STT3B: variants seen among roughly 807,000 people sequenced by gnomAD.
STT3B encodes the protein STT3 oligosaccharyltransferase complex catalytic subunit B, also known as dolichyl-diphosphooligosaccharide--protein glycosyltransferase subunit STT3B.
In STT3B, 29 loss-of-function variants were observed where a neutral mutation model predicts 96.8. The ratio of observed to expected loss-of-function variants is 0.30; its 90% CI spans 0.22 to 0.41. STT3B has a LOEUF of 0.41. Among genes scored for constraint, STT3B ranks in the 10% least tolerant of loss-of-function variants. The probability of loss-of-function intolerance (pLI) is 1.00; values close to 1 mark genes in which losing one functional copy is unlikely to be tolerated. For synonymous variants in STT3B, 367 were observed against 360.0 expected, an observed-to-expected ratio of 1.02 and a Z score of -0.22; for missense variants, 640 against 1,022.3, an observed-to-expected ratio of 0.63 and a Z score of 5.10.
intron 2 of STT3B, among the ~76,000 whole-genome samples, chr3:31,577,971 GTAA>G (rs1163282811): frequency 6.6e-6 from 1 of 152,094 alleles, no homozygotes; most frequent in Non-Finnish European, 1.5e-5. Context: ...GATCATCCCT[GTAA>G]TAATCTTTCT....
chr3:31,606,328 A>G (rs1477485579), intron 5 of STT3B, among the ~76,000 whole-genome samples: 1 of 152,230 alleles, frequency 6.6e-6, no homozygotes, highest in Non-Finnish European at 1.5e-5. Flanking sequence ...TCTCCAGGGC[A>G]TGTCAGAGAC....
At chr3:31,547,544 G>A (rs1697446368) in intron 1 of STT3B, among the ~76,000 whole-genome samples, 1 of 152,106 alleles carries the variant, frequency 6.6e-6, no homozygotes, top group Admixed American at 6.5e-5. Context: ...TACTCGAGAG[G>A]CTGAGTCACA....
At chr3:31,571,739 A>G (rs1698141860) in intron 1 of STT3B, among the ~76,000 whole-genome samples, 1 of 152,010 alleles carries the variant, frequency 6.6e-6, no homozygotes, top group South Asian at 2.1e-4. Flanking sequence ...ATTTGGAGCC[A>G]TGTATTAGGC....
At chr3:31,624,107 A>G (rs973949267) in intron 11 of STT3B, among the ~76,000 whole-genome samples, 1 of 152,006 alleles carries the variant, frequency 6.6e-6, no homozygotes, top group Non-Finnish European at 1.5e-5. Context: ...CCCCTCAACT[A>G]TTTATCCTTT....
chr3:31,567,620 C>T (rs1698036244), intron 1 of STT3B, among the ~76,000 whole-genome samples: 1 of 152,130 alleles, frequency 6.6e-6, no homozygotes, highest in Non-Finnish European at 1.5e-5. Context: ...GTTAATTAAA[C>T]ATACGAAACC....
intron 1 of STT3B, among the ~76,000 whole-genome samples, chr3:31,565,410 G>A (rs902662866): frequency 2.6e-5 from 4 of 152,206 alleles, no homozygotes; most frequent in African/African-American, 9.7e-5. Flanking sequence ...ATAAGCATTT[G>A]TTGGTTGAAA....
At chr3:31,567,802 A>G (rs1016169071) in intron 1 of STT3B, among the ~76,000 whole-genome samples, 7 of 152,164 alleles carry the variant, frequency 4.6e-5, no homozygotes, top group Non-Finnish European at 1.0e-4. Context: ...AAATCCAGGT[A>G]ATTGGCATAG....
rs1699606464 is a variant in STT3B, at chr3:31,629,470, A to G, written c.2187+59A>G. The stretch of plus-strand genomic sequence containing the variant: ...CAAAATAATGTTTAAAACAAGTCTT[A>G]TTTGCCTCTAGAAAACAGGATAATG... On this transcript the variant is annotated intron_variant, in intron 14 of 15. Transcript: ENST00000295770. 4.5e-6 allele frequency: 4 copies of G among 891,126 alleles called. No homozygotes were observed. The South Asian group carries it at 6.3e-5, about 14-fold the overall frequency. 55.2% of individuals were successfully genotyped at this position (891,126 alleles called of 1,614,324 possible).
chr3:31,601,453 G>A (rs548121203), intron 5 of STT3B, among the ~76,000 whole-genome samples: 1 of 152,144 alleles, frequency 6.6e-6, no homozygotes, highest in Admixed American at 6.5e-5. Context: ...GACATAAAAG[G>A]CCACATAGTA....
chr3:31,539,044 T>A (rs1269693023), intron 1 of STT3B, among the ~76,000 whole-genome samples: 1 of 152,124 alleles, frequency 6.6e-6, no homozygotes, highest in Non-Finnish European at 1.5e-5. Context: ...TGTATGTTAA[T>A]CTGCATTTGT....
intron 1 of STT3B, among the ~76,000 whole-genome samples, chr3:31,564,817 G>A (rs1050003708): frequency 2.0e-4 from 31 of 152,078 alleles, no homozygotes; most frequent in African/African-American, 6.5e-4. Context: ...TGAAAGAAGA[G>A]AAACAATCAT....
chr3:31,629,267 T>G, intron 13 of STT3B, 31 bp from the exon 14 acceptor site: 1 of 1,215,552 alleles, frequency 8.2e-7, no homozygotes, highest in South Asian at 1.3e-5. Context: ...TAACTTGAAC[T>G]AACATAGAAC....
intron 7 of STT3B, among the ~76,000 whole-genome samples, chr3:31,617,609 T>C (rs1239286526): frequency 1.3e-5 from 2 of 152,002 alleles, no homozygotes; most frequent in African/African-American, 2.4e-5. Context: ...GCCCCCCGTT[T>C]ATTTTATTTT....
chr3:31,567,027 T>A (rs1287914137), intron 1 of STT3B, among the ~76,000 whole-genome samples: 6 of 152,198 alleles, frequency 3.9e-5, no homozygotes, highest in Admixed American at 2.6e-4. Flanking sequence ...CATGCAAGAC[T>A]TCCTGGGATT....
intron 1 of STT3B, among the ~76,000 whole-genome samples, chr3:31,568,248 T>C (rs1168101006): frequency 6.6e-6 from 1 of 152,212 alleles, no homozygotes. Flanking sequence ...ACATTTTCTT[T>C]ATTCATTCAT....
intron 1 of STT3B, among the ~76,000 whole-genome samples, chr3:31,573,710 A>G (rs955431661): frequency 2.0e-5 from 3 of 152,166 alleles, no homozygotes; most frequent in Admixed American, 1.3e-4. Flanking sequence ...AACATTCCAC[A>G]TGGGTAGTCA....
At chr3:31,564,379 G>A (rs934700449) in intron 1 of STT3B, among the ~76,000 whole-genome samples, 11 of 152,156 alleles carry the variant, frequency 7.2e-5, no homozygotes. Context: ...CTTCATATTT[G>A]CCCAGAGGCA....
chr3:31,578,437 T>C (rs907071358), intron 2 of STT3B, among the ~76,000 whole-genome samples: 5 of 152,134 alleles, frequency 3.3e-5, no homozygotes, highest in African/African-American at 1.2e-4. Flanking sequence ...TTTGTTGATT[T>C]ATTTTTGGTT....
At chr3:31,550,107 A>C (rs1413051129) in intron 1 of STT3B, among the ~76,000 whole-genome samples, 2 of 151,902 alleles carry the variant, frequency 1.3e-5, no homozygotes, top group Admixed American at 6.6e-5. Context: ...ATCAGAATAG[A>C]CCCTCCTTTT....
Sources: allele counts gnomAD v4.1 joint callset (sites outside exome capture counted in the v4.1 genomes callset), GRCh38; gene constraint gnomAD v4.1.1; transcripts MANE v1.5; gene names NCBI Gene and HGNC (gene_info 2026-07-23, HGNC 2026-07-21).